The following GALNTL6 variants were observed in gnomAD, a reference collection of about 807,000 sequenced individuals.
GALNTL6 encodes polypeptide N-acetylgalactosaminyltransferase like 6, also known as polypeptide N-acetylgalactosaminyltransferase-like 6.
A neutral mutation model predicts 73.7 loss-of-function variants in GALNTL6; 46 were observed. That is an observed-to-expected ratio of 0.62 (90% CI 0.49 to 0.80). GALNTL6 has a LOEUF of 0.80. GALNTL6 is among the 30% of genes least tolerant of loss of function. The pLI, the probability that GALNTL6 is intolerant of heterozygous loss-of-function variation, is 0.00. For synonymous variants in GALNTL6, 259 were observed against 263.7 expected, an observed-to-expected ratio of 0.98 and a Z score of 0.17; for missense variants, 604 against 755.0, an observed-to-expected ratio of 0.80 and a Z score of 2.34.
At chr4:172,967,283 G>A (rs961218954) in intron 10 of GALNTL6, among the ~76,000 whole-genome samples, 1 of 152,120 alleles carries the variant, frequency 6.6e-6, no homozygotes, top group Non-Finnish European at 1.5e-5. Context: ...TTATTGCCCA[G>A]TCGAAATGAT....
At chr4:172,681,309 G>C (rs1267967280) in intron 5 of GALNTL6, among the ~76,000 whole-genome samples, 2 of 151,300 alleles carry the variant, frequency 1.3e-5, no homozygotes, top group African/African-American at 4.9e-5. Context: ...ACATTTTATT[G>C]ATTTAATAGA....
intron 8 of GALNTL6, among the ~76,000 whole-genome samples, chr4:172,903,614 C>T (rs576892702): frequency 6.8e-4 from 104 of 152,096 alleles, no homozygotes; most frequent in African/African-American, 2.5e-3. Flanking sequence ...ACAAGAGAGG[C>T]AAAAGTTTTT....
At chr4:171,843,765 G>A (rs1288583901) in intron 2 of GALNTL6, among the ~76,000 whole-genome samples, 1 of 152,130 alleles carries the variant, frequency 6.6e-6, no homozygotes, top group African/African-American at 2.4e-5. Context: ...AATCTACATA[G>A]TTTTAGACAT....
chr4:172,565,071 T>A (rs1166476385), intron 5 of GALNTL6, among the ~76,000 whole-genome samples: 1 of 152,204 alleles, frequency 6.6e-6, no homozygotes, highest in Non-Finnish European at 1.5e-5. Flanking sequence ...AGATGGTGCC[T>A]TGTTGCTGTG....
intron 2 of GALNTL6, among the ~76,000 whole-genome samples, chr4:172,159,776 T>C (rs940365644): frequency 5.3e-5 from 8 of 152,168 alleles, no homozygotes. Flanking sequence ...GAGGAAGTAA[T>C]ATAATCATAC....
chr4:171,826,383 C>A (rs1032486415), intron 2 of GALNTL6, among the ~76,000 whole-genome samples: 30 of 152,184 alleles, frequency 2.0e-4, no homozygotes, highest in Non-Finnish European at 3.5e-4. Context: ...TATGGAACCT[C>A]TATCCAGACT....
chr4:172,192,280 G>T (rs1376374126), intron 2 of GALNTL6, among the ~76,000 whole-genome samples: 1 of 152,004 alleles, frequency 6.6e-6, no homozygotes, highest in African/African-American at 2.4e-5. Context: ...GTATCCAATG[G>T]TTTCGATATG....
intron 3 of GALNTL6, among the ~76,000 whole-genome samples, chr4:172,293,273 G>A (rs1446917088): frequency 6.6e-6 from 1 of 151,676 alleles, no homozygotes; most frequent in Middle Eastern, 3.2e-3. Flanking sequence ...CCCTTTTTTT[G>A]TGGTACTTAG....
chr4:172,642,473 G>A (rs1002380447), intron 5 of GALNTL6, among the ~76,000 whole-genome samples: 1 of 151,944 alleles, frequency 6.6e-6, no homozygotes, highest in African/African-American at 2.4e-5. Context: ...AATAAGCCAG[G>A]TGTAGAGAGA....
chr4:172,110,113 T>G (rs541218454), intron 2 of GALNTL6, among the ~76,000 whole-genome samples: 1 of 152,300 alleles, frequency 6.6e-6, no homozygotes, highest in East Asian at 1.9e-4. Flanking sequence ...TTTTAGAGGT[T>G]CCCCTTTATC....
intron 5 of GALNTL6, among the ~76,000 whole-genome samples, chr4:172,480,084 A>T (rs549350690): frequency 7.2e-5 from 11 of 152,262 alleles, no homozygotes; most frequent in African/African-American, 2.6e-4. Flanking sequence ...TGGGTCTTTC[A>T]AAGACCGAGG....
At chr4:171,916,773 A>G (rs1323691361) in intron 2 of GALNTL6, among the ~76,000 whole-genome samples, 1 of 151,990 alleles carries the variant, frequency 6.6e-6, no homozygotes. Flanking sequence ...TATGTTCTGG[A>G]TTTACAATTC....
chr4:171,944,114 A>G (rs1738632226), intron 2 of GALNTL6, among the ~76,000 whole-genome samples: 1 of 152,036 alleles, frequency 6.6e-6, no homozygotes, highest in Non-Finnish European at 1.5e-5. Flanking sequence ...AAAAATAAGT[A>G]TATCTTTTCA....
chr4:172,474,320 A>C (rs2111468682), intron 5 of GALNTL6, among the ~76,000 whole-genome samples: 1 of 152,166 alleles, frequency 6.6e-6, no homozygotes, highest in Admixed American at 6.5e-5. Flanking sequence ...CCTGCCCCTG[A>C]TTTCCTGATT....
intron 5 of GALNTL6, among the ~76,000 whole-genome samples, chr4:172,610,476 A>G (rs758999255): frequency 5.3e-5 from 8 of 152,028 alleles, no homozygotes; most frequent in Admixed American, 3.3e-4. Context: ...CAGGTTACTT[A>G]ATTTCCATAC....
At chr4:172,404,580 C>T (rs947837708) in intron 5 of GALNTL6, among the ~76,000 whole-genome samples, 1 of 151,048 alleles carries the variant, frequency 6.6e-6, no homozygotes, top group African/African-American at 2.5e-5. Flanking sequence ...ATTCTGAACA[C>T]AAATCTTGGC....
intron 2 of GALNTL6, among the ~76,000 whole-genome samples, chr4:172,012,200 C>T (rs538590257): frequency 2.6e-5 from 4 of 152,088 alleles, no homozygotes; most frequent in Non-Finnish European, 4.4e-5. Flanking sequence ...TCTTCTCCTG[C>T]AGGCACAAGA....
intron 2 of GALNTL6, among the ~76,000 whole-genome samples, chr4:172,132,835 A>G (rs1733537612): frequency 6.6e-6 from 1 of 152,174 alleles, no homozygotes; most frequent in South Asian, 2.1e-4. Context: ...TAATATTGCC[A>G]TCTGATCCTT....
At chr4:172,377,034 A>G (rs980967438) in intron 5 of GALNTL6, among the ~76,000 whole-genome samples, 2 of 152,124 alleles carry the variant, frequency 1.3e-5, no homozygotes, top group Non-Finnish European at 2.9e-5. Flanking sequence ...GAAGAGCGAA[A>G]GAACAAAGCT....
Sources: allele counts gnomAD v4.1 joint callset (sites outside exome capture counted in the v4.1 genomes callset), GRCh38; gene constraint gnomAD v4.1.1; transcripts MANE v1.5; gene names NCBI Gene and HGNC (gene_info 2026-07-23, HGNC 2026-07-21).